LRP1: variants seen among roughly 807,000 people sequenced by gnomAD.
The protein encoded by LRP1 is LDL receptor related protein 1.
LRP1 carries 51 observed loss-of-function variants against 541.5 expected under a neutral mutation model. The observed-to-expected ratio is 0.09, with a 90% CI of 0.08 to 0.12. The LOEUF is 0.12. Ranked by LOEUF, LRP1 falls within the 10% of genes least tolerant of loss-of-function variation. The pLI is 1.00. For missense variants in LRP1, 3,878 were observed against 6,376.2 expected (o/e 0.61, Z 13.34); for synonymous variants, 2,219 against 2,470.8 (o/e 0.90, Z 3.02).
intron 34 of LRP1, 141 bp downstream of exon 34, chr12:57,181,432 A>C: frequency 9.2e-7 from 1 of 1,085,322 alleles, no homozygotes; most frequent in Non-Finnish European, 1.3e-6. Flanking sequence ...TGAAGTGGCT[A>C]TGACTCTCCA....
chr12:57,173,643 A>G lies in LRP1; in HGVS notation c.3347-137A>G. 3.3e-6 allele frequency: 3 copies of G among 896,340 alleles called. No homozygotes were observed. The highest frequency in any genetic ancestry group is 3.5e-6 in the Non-Finnish European group (2 of 577,570). 55.5% of individuals were successfully genotyped at this position (896,340 alleles called of 1,614,324 possible). A position where few individuals can be genotyped will look rare whatever the true frequency, so the allele number is the denominator to read the frequency against. On this transcript the variant is annotated intron_variant, in intron 21 of 88. Transcript: ENST00000243077. The surrounding 1 kb of genome is among the most constrained non-coding windows in gnomAD (Gnocchi z 4.7). ...TTGTTGCCTATGTGAATTTGACCCA[A>G]AAAGCCTCGGGGTTCCTCGTGGACC...
chr12:57,131,305 C>T (rs530417041), intron 1 of LRP1, among the ~76,000 whole-genome samples: 1 of 152,306 alleles, frequency 6.6e-6, no homozygotes, highest in Admixed American at 6.5e-5. Context: ...TCACTCCCCA[C>T]TAGCGACAAA....
intron 1 of LRP1, among the ~76,000 whole-genome samples, chr12:57,133,503 G>A (rs1395027227): frequency 6.6e-6 from 1 of 152,056 alleles, no homozygotes; most frequent in Non-Finnish European, 1.5e-5. Flanking sequence ...GAGCCACTGG[G>A]CAACACCCAA....
rs2036147879 is a variant in LRP1, at chr12:57,180,782, G to A, written c.5502G>A (p.Lys1834=). The A allele has an allele frequency of 6.2e-7, 1 of 1,614,070 alleles. No homozygotes were observed. The part of the protein sequence containing the change: ...RNSTTLVMHM[K]VYDESIQLDH... ...GCACCACCCTGGTGATGCACATGAA[G>A]GTCTATGACGAGAGCATCCAGCTGG... The change falls in exon 33 of 89, where the codon AAG becomes AAA. Residue 1834 remains lysine, a synonymous_variant. Transcript: ENST00000243077.
intron 22 of LRP1, 77 bp from the exon 23 acceptor site, chr12:57,175,383 G>A (rs894692872): frequency 6.4e-7 from 1 of 1,573,286 alleles, no homozygotes; most frequent in Non-Finnish European, 8.7e-7. Context: ...CCCAGGACTT[G>A]GGGCCCAGCA....
intron 23 of LRP1, 44 bp from the exon 24 acceptor site, chr12:57,175,865 G>T (rs1300331924): frequency 1.2e-6 from 2 of 1,602,548 alleles, no homozygotes; most frequent in Non-Finnish European, 8.5e-7. Flanking sequence ...TGGCACACAG[G>T]CAGCTAGCCC....
intron 23 of LRP1, 61 bp from the exon 24 acceptor site, chr12:57,175,848 G>A: frequency 1.3e-6 from 2 of 1,596,352 alleles, no homozygotes; most frequent in East Asian, 4.5e-5. Context: ...GCCTGCGCCA[G>A]GACGGGTGGC....
rs199614039 is a variant in LRP1 at position 57,211,548 on chromosome 12, G to A, written c.13153G>A (p.Gly4385Ser). 9 of 1,614,070 alleles carry A rather than the reference G, an allele frequency of 5.6e-6. No individual in the cohort carries two copies. Among genetic ancestry groups the A allele is most frequent in the African/African-American group, 1.3e-5 (1 of 75,052 alleles). Residue 4385 changes from glycine to serine, a missense_variant, in exon 85 of 89, where the codon GGC becomes AGC. Physicochemically the swap from Gly to Ser is moderately conservative, Grantham distance 56. This residue lies in a region of LRP1 where 871 missense variants were observed against 1,212.4 expected (regional missense o/e 0.72). Transcript: ENST00000243077. The surrounding 1 kb of genome is among the most constrained non-coding windows in gnomAD (Gnocchi z 4.3). ...LTCVGHCSNG[G>S]SCTMNSKMMP... ...CTGCGTCGGCCACTGCAGCAATGGC[G>A]GCTCCTGTACCATGAACAGCAAAAT...
Position 57,166,213 on chromosome 12 carries a change from T to C in LRP1, c.2797+4T>C. ...GAGTCCAATGCCACTTGTTCAGGTG[T>C]GGAGCGGGGCTCAGATCACACGAGG... is the stretch of plus-strand genomic sequence containing the variant. On this transcript the variant is annotated splice_donor_region_variant and intron_variant, in intron 17 of 88. Coordinates refer to ENST00000243077, the MANE Select transcript of LRP1 (RefSeq NM_002332.3). 6.2e-7 allele frequency: 1 copy of C among 1,601,350 alleles called. No individual in the cohort carries two copies. The highest frequency in any genetic ancestry group is 1.3e-5 in the African/African-American group (1 of 74,632).
At position 57,183,551 on chromosome 12, in the gene LRP1, G is replaced by A. The variant is rs1349364305; in HGVS notation, c.5794+41G>A. ...GCAGAGGGAGTTGGGCGTGGCGTAG[G>A]AGCTTTAGGGGTGGTGTGGTGTGCC... On this transcript the variant is annotated intron_variant, in intron 35 of 88. Transcript: ENST00000243077. The surrounding 1 kb of genome is among the most constrained non-coding windows in gnomAD (Gnocchi z 6.1). 6.3e-7 allele frequency: 1 copy of A among 1,594,418 alleles called. No homozygotes were observed. Among genetic ancestry groups the A allele is most frequent in the Non-Finnish European group, 8.6e-7 (1 of 1,168,782 alleles).
At chr12:57,169,866 G>A (rs1375588483) in intron 20 of LRP1, among the ~76,000 whole-genome samples, 1 of 152,238 alleles carries the variant, frequency 6.6e-6, no homozygotes, top group Non-Finnish European at 1.5e-5. Context: ...CTAGTTTTCT[G>A]GAGGGATGGG....
Position 57,166,225 on chromosome 12 carries a change from C to T in LRP1, c.2797+16C>T. ...ACTTGTTCAGGTGTGGAGCGGGGCT[C>T]AGATCACACGAGGCACCCCTCAGTC... On this transcript the variant is annotated intron_variant, in intron 17 of 88. Transcript: ENST00000243077. The T allele has an allele frequency of 4.4e-6, 7 of 1,588,032 alleles. No homozygotes were observed. The highest frequency in any genetic ancestry group is 6.0e-6 in the Non-Finnish European group (7 of 1,167,290).
chr12:57,132,125 G>A (rs996889825), intron 1 of LRP1: 4 of 152,330 alleles, frequency 2.6e-5, no homozygotes, highest in African/African-American at 9.7e-5. Flanking sequence ...TGCTGGGTAT[G>A]AGCGATAGAG....
intron 1 of LRP1, among the ~76,000 whole-genome samples, chr12:57,129,279 G>C (rs1357196595): frequency 6.6e-6 from 1 of 152,146 alleles, no homozygotes; most frequent in Non-Finnish European, 1.5e-5. Flanking sequence ...AGAGAGAAGA[G>C]GGCTCCCCAT....
At chr12:57,192,341 T>A (rs1269019268) in intron 44 of LRP1, among the ~76,000 whole-genome samples, 1 of 152,062 alleles carries the variant, frequency 6.6e-6, no homozygotes, top group Non-Finnish European at 1.5e-5. Flanking sequence ...CACACACACA[T>A]TCATGTCACA....
At chr12:57,208,390 C>T in intron 77 of LRP1, 174 bp downstream of exon 77, 1 of 714,692 alleles carries the variant, frequency 1.4e-6, no homozygotes, top group Non-Finnish European at 2.3e-6. Flanking sequence ...CCCATGCTGC[C>T]TCTGCCCAGG....
At position 57,175,973 on chromosome 12, in the gene LRP1, A is replaced by G. The variant is rs1301812656; in HGVS notation, c.3858A>G (p.Lys1286=). Residue 1286 remains lysine (K), a synonymous_variant, in exon 24 of 89, where the codon AAA becomes AAG. Transcript: ENST00000243077. ...AAATCCGGCGCATCGATCTTCACAAAGGAGACTACAGCGTCCTGGTGCCCG... is the reference window on the plus strand; with the variant it reads ...AAATCCGGCGCATCGATCTTCACAAGGGAGACTACAGCGTCCTGGTGCCCG... ...RHEIRRIDLH[K]GDYSVLVPGL... 5.0e-6 allele frequency: 8 copies of G among 1,614,120 alleles called. No individual in the cohort carries two copies. Among genetic ancestry groups the G allele is most frequent in the Non-Finnish European group, 5.9e-6 (7 of 1,180,046 alleles).
In LRP1 at chr12:57,211,019, A is replaced by T. The variant is rs1800164; in HGVS notation, c.12916+140A>T. 1 of 1,380,644 alleles carries T rather than the reference A, an allele frequency of 7.2e-7. No homozygotes were observed. Among genetic ancestry groups the T allele is most frequent in the Non-Finnish European group, 9.8e-7 (1 of 1,019,846 alleles). The allele number at this position is 1,380,644 out of a possible 1,614,324, so 85.5% of individuals were successfully genotyped here. On this transcript the variant is annotated intron_variant, in intron 83 of 88. Coordinates refer to ENST00000243077, the MANE Select transcript of LRP1 (RefSeq NM_002332.3). This position sits in a 1 kb window ranked among gnomAD's most constrained non-coding sequence, Gnocchi z 4.3. Reference sequence around the variant, plus strand: ...GGCCTTATGCAGCTGAGCCAGGCCCAAGCTGCTGGCGCTTCCCCACAAAGG... The same window carrying T: ...GGCCTTATGCAGCTGAGCCAGGCCCTAGCTGCTGGCGCTTCCCCACAAAGG...
chr12:57,191,466 C>A lies in LRP1; in HGVS notation c.7383C>A (p.Pro2461=). ...TGAAGCTGCTGCGCGTGGACATCCCCCAGCAGCCCATGGGCATCATCGCCG... is the reference window on the plus strand; with the variant it reads ...TGAAGCTGCTGCGCGTGGACATCCCACAGCAGCCCATGGGCATCATCGCCG... ...SNMKLLRVDI[P]QQPMGIIAVA... The change falls in exon 44 of 89, where the codon CCC becomes CCA. Residue 2461 remains proline (P), a synonymous_variant. Coordinates refer to ENST00000243077, the MANE Select transcript of LRP1 (RefSeq NM_002332.3). The A allele has an allele frequency of 1.2e-6, 2 of 1,609,458 alleles. No homozygotes were observed. Among genetic ancestry groups the A allele is most frequent in the Non-Finnish European group, 1.7e-6 (2 of 1,176,662 alleles).
Sources: allele counts gnomAD v4.1 joint callset (sites outside exome capture counted in the v4.1 genomes callset), GRCh38; gene constraint gnomAD v4.1.1; regional missense constraint gnomAD v4.1.1; non-coding constraint Gnocchi (gnomAD v3.1); transcripts MANE v1.5; gene names NCBI Gene and HGNC (gene_info 2026-07-23, HGNC 2026-07-21).